ENPP2: variants seen among roughly 807,000 people sequenced by gnomAD.
ENPP2 encodes the protein autotaxin.
Under a neutral mutation model 120.2 loss-of-function variants are expected in ENPP2, and 51 were observed. The observed-to-expected ratio is 0.42, with a 90% CI of 0.34 to 0.54. The LOEUF is 0.54. Among genes scored for constraint, ENPP2 ranks in the 20% least tolerant of loss-of-function variants. The pLI is 0.04. For synonymous variants in ENPP2, 365 were observed against 366.4 expected, an observed-to-expected ratio of 1.00 and a Z score of 0.04; for missense variants, 920 against 1,066.5, an observed-to-expected ratio of 0.86 and a Z score of 1.91.
intron 1 of ENPP2, among the ~76,000 whole-genome samples, chr8:119,657,173 C>T (rs2130887100): frequency 6.6e-6 from 1 of 152,302 alleles, no homozygotes; most frequent in Admixed American, 6.5e-5. Flanking sequence ...GATCCACCCT[C>T]CTCGGCCTCC....
At chr8:119,575,343 T>G (rs1430725559) in intron 19 of ENPP2, among the ~76,000 whole-genome samples, 1 of 151,974 alleles carries the variant, frequency 6.6e-6, no homozygotes, top group East Asian at 1.9e-4. Flanking sequence ...GGAAAGAAGA[T>G]CCAACTACTT....
At chr8:119,619,457 G>C (rs924951016) in intron 4 of ENPP2, among the ~76,000 whole-genome samples, 153 bp from the exon 5 acceptor site, 2 of 151,764 alleles carry the variant, frequency 1.3e-5, no homozygotes, top group African/African-American at 4.8e-5. Context: ...TCTAGTGTCT[G>C]GTTTGGCTTA....
intron 19 of ENPP2, among the ~76,000 whole-genome samples, chr8:119,579,678 A>C (rs1812593815): frequency 6.6e-6 from 1 of 151,682 alleles, no homozygotes. Context: ...ATGAGGAGGG[A>C]GTTCTGATTT....
chr8:119,623,708 C>T (rs1187634859), intron 3 of ENPP2, among the ~76,000 whole-genome samples: 21 of 152,060 alleles, frequency 1.4e-4, no homozygotes, highest in Admixed American at 1.1e-3. Flanking sequence ...TCACTGCAAC[C>T]TCTACCTTTC....
At chr8:119,577,695 T>C (rs1179909770) in intron 19 of ENPP2, among the ~76,000 whole-genome samples, 1 of 152,218 alleles carries the variant, frequency 6.6e-6, no homozygotes, top group Non-Finnish European at 1.5e-5. Flanking sequence ...CTATTCTAGA[T>C]TCCCCCCTAA....
At chr8:119,669,725 T>C (rs1399830249) in intron 1 of ENPP2, among the ~76,000 whole-genome samples, 1 of 152,182 alleles carries the variant, frequency 6.6e-6, no homozygotes, top group African/African-American at 2.4e-5. Context: ...GTGCAATATG[T>C]GGTGTATCCT....
intron 23 of ENPP2, 89 bp from the exon 24 acceptor site, chr8:119,563,102 G>T: frequency 9.0e-7 from 1 of 1,110,412 alleles, no homozygotes; most frequent in Non-Finnish European, 1.3e-6. Flanking sequence ...TATTGCCTAA[G>T]TCACTAAAAT....
intron 1 of ENPP2, among the ~76,000 whole-genome samples, chr8:119,672,323 G>A (rs1818274699): frequency 6.6e-6 from 1 of 152,180 alleles, no homozygotes; most frequent in African/African-American, 2.4e-5. Context: ...AAATACATAA[G>A]CAATACCAGA....
intron 17 of ENPP2, among the ~76,000 whole-genome samples, chr8:119,583,209 C>CA (rs1430168128): frequency 6.6e-6 from 1 of 152,178 alleles, no homozygotes; most frequent in Non-Finnish European, 1.5e-5. Flanking sequence ...GAAAAGAACC[C>CA]AGGAGACCCG....
chr8:119,669,659 A>T (rs1473131505), intron 1 of ENPP2, among the ~76,000 whole-genome samples: 1 of 152,222 alleles, frequency 6.6e-6, no homozygotes, highest in Non-Finnish European at 1.5e-5. Flanking sequence ...GGTTCATTAC[A>T]ACTCAAAGGA....
At chr8:119,586,416 A>T (rs1813115785) in intron 14 of ENPP2, 103 bp from the exon 15 acceptor site, 1 of 953,630 alleles carries the variant, frequency 1.0e-6, no homozygotes. Context: ...GCCTAACCAA[A>T]GGTTAATGAG....
chr8:119,666,036 T>C (rs746114122), intron 1 of ENPP2, among the ~76,000 whole-genome samples: 1 of 152,202 alleles, frequency 6.6e-6, no homozygotes, highest in Non-Finnish European at 1.5e-5. Flanking sequence ...TTGAAAAATA[T>C]ATAATGGCAT....
chr8:119,598,191 A>T (rs1814039560), intron 11 of ENPP2, among the ~76,000 whole-genome samples: 1 of 152,196 alleles, frequency 6.6e-6, no homozygotes, highest in African/African-American at 2.4e-5. Flanking sequence ...CATTCAGTTA[A>T]AATAAGATTC....
chr8:119,561,048 C>A (rs1277186713), intron 24 of ENPP2, among the ~76,000 whole-genome samples: 13 of 152,208 alleles, frequency 8.5e-5, no homozygotes, highest in Non-Finnish European at 2.9e-5. Flanking sequence ...ATTACTACTA[C>A]TACTTTTTAA....
chr8:119,584,684 T>C (rs541853474), intron 15 of ENPP2, among the ~76,000 whole-genome samples: 38 of 152,196 alleles, frequency 2.5e-4, no homozygotes, highest in Non-Finnish European at 4.1e-4. Context: ...ACAATATCTC[T>C]ATTTAGAAAC....
chr8:119,567,456 T>A (rs1348922775), intron 22 of ENPP2, among the ~76,000 whole-genome samples: 1 of 152,248 alleles, frequency 6.6e-6, no homozygotes. Flanking sequence ...TCACACAGCC[T>A]GTGGTCACAC....
chr8:119,619,244 C>T lies in ENPP2; in HGVS notation c.479G>A (p.Gly160Glu). The T allele has an allele frequency of 6.2e-7, 1 of 1,606,424 alleles. No homozygotes were observed. Among genetic ancestry groups the T allele is most frequent in the Non-Finnish European group, 8.5e-7 (1 of 1,173,510 alleles). The change falls in exon 5 of 25, where the codon GGG (glycine) becomes GAG (glutamate). Residue 160 changes from glycine to glutamate, a missense_variant and splice_region_variant. By Grantham distance (98) the Gly-to-Glu change is moderately conservative. Transcript: ENST00000075322. ...EEIKAAECPAGFVRPPLIIFS... is the reference protein window; with the variant it reads ...EEIKAAECPAEFVRPPLIIFS... ...CAAAATAGTCATAAAATACACTTAC[C>T]CTGCAGGGCATTCTGCGGCCTTTAT... is the stretch of plus-strand genomic sequence containing the variant.
chr8:119,573,407 T>TAAAAAAAAAAAAAAAAAAAAAA lies in ENPP2; in HGVS notation c.1781-2567_1781-2566insTTTTTTTTTTTTTTTTTTTTTT, dbSNP rs1563680979. ...AGGTGACAGAGCGAGGCTCCGTCTCTTAAAAAAAAAAAAAAAAAAGATTCA... is the reference window on the plus strand; with the variant it reads ...AGGTGACAGAGCGAGGCTCCGTCTCTAAAAAAAAAAAAAAAAAAAAAATAAAAAAAAAAAAAAAAAAGATTCA... On this transcript the variant is annotated intron_variant, in intron 19 of 24. Coordinates refer to ENST00000075322, the MANE Select transcript of ENPP2 (RefSeq NM_001040092.3). Among the ~76,000 whole-genome samples the TAAAAAAAAAAAAAAAAAAAAAA allele has an allele frequency of 2.2e-4, 16 of 71,498 alleles. 1 individual carries two copies. The highest frequency in any genetic ancestry group is 1.1e-3 in the African/African-American group (16 of 14,044). The allele number at this position is 71,498 out of a possible 152,430, so 46.9% of individuals were successfully genotyped here.
chr8:119,621,133 A>G (rs1563742631), intron 4 of ENPP2, among the ~76,000 whole-genome samples: 1 of 152,188 alleles, frequency 6.6e-6, no homozygotes, highest in Non-Finnish European at 1.5e-5. Flanking sequence ...TTGACCTAAA[A>G]CCAAGATAGG....
Sources: gnomAD v4.1 joint callset for allele counts (sites outside exome capture counted in the v4.1 genomes callset) on GRCh38, gnomAD v4.1.1 for gene constraint, MANE v1.5 for transcripts, NCBI Gene and HGNC (gene_info 2026-07-23, HGNC 2026-07-21) for gene names.